Variants in KLC4 observed in about 807,000 individuals in gnomAD.
KLC4 encodes kinesin-like protein 8.
Under a neutral mutation model 77.2 loss-of-function variants are expected in KLC4, and 49 were observed. The observed-to-expected ratio is 0.63, with a 90% confidence interval of 0.50 to 0.80. The LOEUF (loss-of-function observed/expected upper bound fraction) is 0.80, where lower values mean the gene tolerates loss of function less well. Ranked by LOEUF, KLC4 falls within the 30% of genes least tolerant of loss-of-function variation. The probability of loss-of-function intolerance (pLI) is 0.00; values close to 1 mark genes in which losing one functional copy is unlikely to be tolerated. For synonymous variants in KLC4, 274 were observed against 314.5 expected, an observed-to-expected ratio of 0.87 and a Z score of 1.36; for missense variants, 669 against 793.5, an observed-to-expected ratio of 0.84 and a Z score of 1.89.
chr6:43,071,867 G>T lies in KLC4; in HGVS notation c.1324G>T (p.Gly442Cys), dbSNP rs143458800. 1.2e-5 allele frequency: 19 copies of T among 1,612,276 alleles called. No individual in the cohort carries two copies. Among genetic ancestry groups the T allele is most frequent in the Non-Finnish European group, 1.5e-5 (18 of 1,179,728 alleles). ...EEMSKSRHHE[G>C]GTPYAEYGGW... ...TGTCCTGCAGAGCCGGCACCATGAGGGTGGGACACCCTATGCTGAGTATGG... is the reference window on the plus strand; with the variant it reads ...TGTCCTGCAGAGCCGGCACCATGAGTGTGGGACACCCTATGCTGAGTATGG... The change falls in exon 11 of 16, where the codon GGT becomes TGT. Residue 442 changes from glycine (G) to cysteine (C), a missense_variant. Transcript: ENST00000347162.
At chr6:43,070,632 G>A in intron 7 of KLC4, 60 bp from the exon 8 acceptor site, 5 of 1,554,210 alleles carry the variant, frequency 3.2e-6, no homozygotes, top group Admixed American at 1.7e-5. Flanking sequence ...GCAAACACAC[G>A]TGTGCTTGTG....
intron 6 of KLC4, among the ~76,000 whole-genome samples, chr6:43,067,749 C>T (rs1365403746): frequency 7.1e-6 from 1 of 140,390 alleles, no homozygotes; most frequent in African/African-American, 2.7e-5. Flanking sequence ...GAGCTGAGAT[C>T]GTGCCATTGC....
At chr6:43,059,986 T>A in intron 1 of KLC4, 9 of 1,289,820 alleles carry the variant, frequency 7.0e-6, no homozygotes, top group Middle Eastern at 3.2e-4. Flanking sequence ...CCCCCGCCCA[T>A]CTCACTCTCC....
At chr6:43,060,137 G>A (rs1197307667) in intron 1 of KLC4, 19 of 1,595,812 alleles carry the variant, frequency 1.2e-5, no homozygotes, top group Non-Finnish European at 1.6e-5. Context: ...CTGCATCATC[G>A]GGCATTGTGG....
intron 5 of KLC4, 64 bp from the exon 6 acceptor site, chr6:43,066,932 G>A: frequency 6.4e-7 from 1 of 1,570,760 alleles, no homozygotes; most frequent in East Asian, 2.3e-5. Context: ...CCTTCCAAAG[G>A]GAAGGAGGGA....
rs1582023886 is a variant in KLC4, at chr6:43,071,302, T to C, written c.1183T>C (p.Tyr395His). 3.7e-6 allele frequency: 6 copies of C among 1,613,048 alleles called. No homozygotes were observed. Among genetic ancestry groups the C allele is most frequent in the Non-Finnish European group, 5.1e-6 (6 of 1,179,736 alleles). ...TTCCTGTTACCTGAAACAGGGCAAATATGCTGAGGCTGAGACACTATACAA... is the reference window on the plus strand; with the variant it reads ...TTCCTGTTACCTGAAACAGGGCAAACATGCTGAGGCTGAGACACTATACAA... ...LASCYLKQGK[Y>H]AEAETLYKEI... The change falls in exon 9 of 16, where the codon TAT becomes CAT. Residue 395 changes from tyrosine (Y) to histidine (H), a missense_variant. Tyr to His is a moderately conservative substitution (Grantham distance 83). Coordinates refer to ENST00000347162, the MANE Select transcript of KLC4 (RefSeq NM_201521.3).
chr6:43,065,490 G>A, intron 3 of KLC4, 130 bp from the exon 4 acceptor site: 1 of 614,728 alleles, frequency 1.6e-6, no homozygotes, highest in Non-Finnish European at 2.9e-6. Flanking sequence ...AGCCTTTCCA[G>A]GGGCAGAGAC....
At chr6:43,059,876 C>G (rs1765046490) in intron 1 of KLC4, 191 bp downstream of exon 1, 2 of 1,215,610 alleles carry the variant, frequency 1.6e-6, no homozygotes, top group East Asian at 4.5e-5. Context: ...GCCCCGCCCC[C>G]TGCGCCACCG....
chr6:43,073,685 A>T, intron 14 of KLC4: 1 of 577,878 alleles, frequency 1.7e-6, no homozygotes, highest in Non-Finnish European at 3.0e-6. Context: ...ATGGTAAAGC[A>T]GGCAAGTAAA....
chr6:43,069,394 G>C (rs932659032), intron 6 of KLC4, among the ~76,000 whole-genome samples: 3 of 151,290 alleles, frequency 2.0e-5, no homozygotes, highest in Non-Finnish European at 4.4e-5. Context: ...ACAGGTACGT[G>C]CTACCACGCC....
Position 43,067,018 on chromosome 6 carries a change from G to A in KLC4, c.814G>A (p.Ala272Thr). The change falls in exon 6 of 16, where the codon GCT (alanine) becomes ACT (threonine). Residue 272 changes from alanine to threonine, a missense_variant. Ala to Thr is a moderately conservative substitution (Grantham distance 58, BLOSUM62 0). Transcript: ENST00000347162. ...CAGTGACCAGAATAAGTATAAGGAA[G>A]CTGCCCACCTGCTGAATGATGCCCT... ...VYRDQNKYKE[A>T]AHLLNDALSI... 6.2e-7 allele frequency: 1 copy of A among 1,613,874 alleles called. No individual in the cohort carries two copies. Among genetic ancestry groups the A allele is most frequent in the Non-Finnish European group, 8.5e-7 (1 of 1,179,814 alleles).
chr6:43,061,175 A>G lies in KLC4; in HGVS notation c.-25-136A>G, dbSNP rs190882664. 1.8e-4 allele frequency: 156 copies of G among 873,252 alleles called. No homozygotes were observed. In the East Asian group the frequency reaches 3.0e-3, roughly 17 times the overall value. 54.1% of individuals were successfully genotyped at this position (873,252 alleles called of 1,614,324 possible). On this transcript the variant is annotated intron_variant, in intron 1 of 15. Transcript: ENST00000347162. ...GATCTAAGCTCCCTGCCTGCTGGTC[A>G]CTCTCTCTCTCCAGCTAAGCCACAG...
Position 43,070,685 on chromosome 6 carries a change from C to T in KLC4, c.982-7C>T. ...AGCCATTTATCCACTCCTTTGTTCC[C>T]TTTCAGGTCCTGGGCACGAATCATC... On this transcript the variant is annotated splice_region_variant and splice_polypyrimidine_tract_variant and intron_variant, in intron 7 of 15. Transcript: ENST00000347162. 2 of 1,609,386 alleles carry T rather than the reference C, an allele frequency of 1.2e-6. No individual in the cohort carries two copies. The highest frequency in any genetic ancestry group is 2.2e-5 in the South Asian group (2 of 90,980).
chr6:43,071,547 A>T lies in KLC4; in HGVS notation c.1256-20A>T. The T allele has an allele frequency of 1.2e-6, 2 of 1,609,280 alleles. No individual in the cohort carries two copies. Among genetic ancestry groups the T allele is most frequent in the Non-Finnish European group, 1.7e-6 (2 of 1,176,934 alleles). Reference sequence around the variant, plus strand: ...TCTAGCTCCCATCTCTAACCTCCCCACCCCATGTATCACCCCTAGATGACC... The same window carrying T: ...TCTAGCTCCCATCTCTAACCTCCCCTCCCCATGTATCACCCCTAGATGACC... On this transcript the variant is annotated intron_variant, in intron 9 of 15. Transcript: ENST00000347162.
chr6:43,066,880 C>T, intron 5 of KLC4, 116 bp from the exon 6 acceptor site: 1 of 1,463,066 alleles, frequency 6.8e-7, no homozygotes, highest in Non-Finnish European at 9.2e-7. Context: ...GCCAGGCTTC[C>T]TGTCTCCTCA....
At chr6:43,063,195 TA>T (rs1350761754) in intron 3 of KLC4, 48 bp downstream of exon 3, 4 of 1,442,562 alleles carry the variant, frequency 2.8e-6, no homozygotes, top group Admixed American at 3.6e-5. Context: ...AGCCGGGAGT[TA>T]CCACAGACAT....
In KLC4 at chr6:43,074,682, C is replaced by T. The variant is rs201748328; in HGVS notation, c.*10C>T. 125 of 1,613,742 alleles carry T rather than the reference C, an allele frequency of 7.7e-5. No individual in the cohort carries two copies. In the African/African-American group the frequency reaches 1.3e-3, roughly 17 times the overall value. On this transcript the variant is annotated 3_prime_UTR_variant, in exon 16 of 16. Coordinates refer to ENST00000347162, the MANE Select transcript of KLC4 (RefSeq NM_201521.3). ...CTCTTCAAGCAGCTGACATTCAACC[C>T]GGCCCCCAGGTCTGCTGGGTCCCCC...
intron 14 of KLC4, chr6:43,073,660 A>AG: frequency 6.8e-5 from 20 of 292,550 alleles, no homozygotes; most frequent in East Asian, 2.0e-4. Context: ...AAAAAAAAAG[A>AG]AAAAAAAAAA....
At position 43,063,024 on chromosome 6, in the gene KLC4, G is replaced by A. The variant is rs1765239920; in HGVS notation, c.366G>A (p.Glu122=). The part of the protein sequence containing the change: ...LCQENQWLRD[E]LAGTQQRLQR... ...AGGAGAACCAGTGGCTGCGGGATGA[G>A]CTGGCTGGCACCCAGCAGCGGCTAC... Residue 122 remains glutamate, a synonymous_variant, in exon 3 of 16, where the codon GAG becomes GAA. Transcript: ENST00000347162. 6.2e-7 allele frequency: 1 copy of A among 1,614,228 alleles called. No homozygotes were observed. The highest frequency in any genetic ancestry group is 8.5e-7 in the Non-Finnish European group (1 of 1,180,030).
Sources: allele counts gnomAD v4.1 joint callset (sites outside exome capture counted in the v4.1 genomes callset), GRCh38; gene constraint gnomAD v4.1.1; transcripts MANE v1.5; gene names NCBI Gene and HGNC (gene_info 2026-07-23, HGNC 2026-07-21).